ASTN1: variants seen among roughly 807,000 people sequenced by gnomAD.
ASTN1 encodes astrotactin-1.
In ASTN1, 41 loss-of-function variants were observed where a neutral mutation model predicts 140.7. The observed-to-expected ratio is 0.29, with a 90% CI of 0.23 to 0.38. The LOEUF is 0.38. Among genes scored for constraint, ASTN1 ranks in the 10% least tolerant of loss-of-function variants. The pLI, the probability that ASTN1 is intolerant of heterozygous loss-of-function variation, is 1.00. For synonymous variants in ASTN1, 640 were observed against 652.2 expected, an observed-to-expected ratio of 0.98 and a Z score of 0.29; for missense variants, 1,479 against 1,678.8, an observed-to-expected ratio of 0.88 and a Z score of 2.08.
chr1:177,133,638 G>A (rs1161517568), intron 1 of ASTN1, among the ~76,000 whole-genome samples: 1 of 152,144 alleles, frequency 6.6e-6, no homozygotes, highest in Admixed American at 6.5e-5. Flanking sequence ...CTATAGTCCT[G>A]CTAATGTAAA....
At chr1:177,115,360 T>G (rs1681031854) in intron 1 of ASTN1, among the ~76,000 whole-genome samples, 1 of 152,132 alleles carries the variant, frequency 6.6e-6, no homozygotes, top group African/African-American at 2.4e-5. Context: ...ATATTTAAGT[T>G]GTGGTTTTAA....
At chr1:176,872,129 T>A (rs1286738970) in intron 21 of ASTN1, among the ~76,000 whole-genome samples, 1 of 151,928 alleles carries the variant, frequency 6.6e-6, no homozygotes, top group Non-Finnish European at 1.5e-5. Flanking sequence ...GTCTGTTCAA[T>A]GATGGTTAAT....
chr1:177,116,847 C>T (rs1338369462), intron 1 of ASTN1, among the ~76,000 whole-genome samples: 1 of 152,136 alleles, frequency 6.6e-6, no homozygotes, highest in Admixed American at 6.5e-5. Flanking sequence ...GTATTTCCCA[C>T]CCATTAAATG....
At chr1:177,122,982 C>G (rs1296342283) in intron 1 of ASTN1, among the ~76,000 whole-genome samples, 1 of 152,162 alleles carries the variant, frequency 6.6e-6, no homozygotes, top group Non-Finnish European at 1.5e-5. Flanking sequence ...GAGGCATCAG[C>G]CCCTAGCTCC....
intron 3 of ASTN1, 73 bp downstream of exon 3, chr1:177,032,383 A>T: frequency 6.4e-7 from 1 of 1,550,400 alleles, no homozygotes; most frequent in Non-Finnish European, 8.7e-7. Flanking sequence ...GTTGTCACAC[A>T]GCTGTTCCTA....
chr1:176,913,056 C>T (rs1271685809), intron 16 of ASTN1, among the ~76,000 whole-genome samples: 1 of 152,190 alleles, frequency 6.6e-6, no homozygotes, highest in South Asian at 2.1e-4. Flanking sequence ...CTTGCTCTCC[C>T]CTGCTGGAAG....
intron 8 of ASTN1, among the ~76,000 whole-genome samples, chr1:176,978,438 CAG>C (rs1673462805): frequency 6.6e-6 from 1 of 152,122 alleles, no homozygotes; most frequent in African/African-American, 2.4e-5. Flanking sequence ...GATCTGAATT[CAG>C]TGGGAAGACG....
intron 1 of ASTN1, among the ~76,000 whole-genome samples, chr1:177,138,658 G>T (rs1370439843): frequency 1.3e-5 from 2 of 152,188 alleles, no homozygotes; most frequent in African/African-American, 4.8e-5. Context: ...ACAAGATTTA[G>T]AAGAGGTTTT....
intron 1 of ASTN1, among the ~76,000 whole-genome samples, chr1:177,112,459 G>C (rs1291895844): frequency 2.0e-5 from 3 of 152,218 alleles, no homozygotes; most frequent in African/African-American, 7.2e-5. Flanking sequence ...TTCCACCCGT[G>C]TTGGGCGGGG....
chr1:177,164,617 C>T lies in ASTN1; in HGVS notation c.60G>A (p.Leu20=). The change falls in exon 1 of 23, where the codon CTG becomes CTA. Residue 20 remains leucine, a synonymous_variant. Coordinates refer to ENST00000361833, the MANE Select transcript of ASTN1 (RefSeq NM_004319.3). ...GATCCACGTCGCCGGCGGCCGTGGC[C>T]AGCACCGCCGCCGGCCCCCAGCAGC... ...LACCWGPAAV[L]ATAAGDVDPS... is the part of the protein sequence containing the mutation. The T allele has an allele frequency of 1.2e-6, 2 of 1,609,646 alleles. No individual in the cohort carries two copies. The highest frequency in any genetic ancestry group is 1.7e-6 in the Non-Finnish European group (2 of 1,178,140).
At chr1:177,090,333 A>T (rs543393679) in intron 1 of ASTN1, among the ~76,000 whole-genome samples, 10 of 152,044 alleles carry the variant, frequency 6.6e-5, no homozygotes, top group African/African-American at 1.2e-4. Context: ...GCAACATGCT[A>T]GACATAGCTA....
chr1:177,123,653 G>T (rs1475777599), intron 1 of ASTN1, among the ~76,000 whole-genome samples: 2 of 152,140 alleles, frequency 1.3e-5, no homozygotes, highest in Non-Finnish European at 2.9e-5. Context: ...CTACTGGGTG[G>T]CCCCTGGGCT....
At chr1:177,054,415 G>C (rs1263955463) in intron 2 of ASTN1, among the ~76,000 whole-genome samples, 2 of 152,094 alleles carry the variant, frequency 1.3e-5, no homozygotes, top group African/African-American at 4.8e-5. Context: ...TATAAGTTAG[G>C]TCTTAGTCTG....
At chr1:176,924,537 C>A (rs1001072357) in intron 16 of ASTN1, among the ~76,000 whole-genome samples, 4 of 152,152 alleles carry the variant, frequency 2.6e-5, no homozygotes, top group African/African-American at 9.7e-5. Context: ...TTGACATTTT[C>A]TCTCTCTTCT....
At chr1:177,163,964 T>G (rs1477714529) in intron 1 of ASTN1, among the ~76,000 whole-genome samples, 2 of 152,010 alleles carry the variant, frequency 1.3e-5, no homozygotes, top group Non-Finnish European at 2.9e-5. Context: ...CCCCAGGAAG[T>G]GCTGTAGGTG....
intron 8 of ASTN1, among the ~76,000 whole-genome samples, chr1:177,005,249 C>T (rs781546556): frequency 5.9e-5 from 9 of 152,006 alleles, no homozygotes; most frequent in African/African-American, 1.4e-4. Flanking sequence ...TATTAATCAT[C>T]GGGGAAATGT....
At position 177,164,658 on chromosome 1, in the gene ASTN1, A is replaced by T; in HGVS notation, c.19T>A (p.Cys7Ser). 1 of 1,590,310 alleles carries T rather than the reference A, an allele frequency of 6.3e-7. No individual in the cohort carries two copies. The highest frequency in any genetic ancestry group is 8.6e-7 in the Non-Finnish European group (1 of 1,168,488). ...CCCCAGCAGCAGGCGAGCAGGGCGCAGAGCCCGGCTAAAGCCATCTTGAGC... is the reference window on the plus strand; with the variant it reads ...CCCCAGCAGCAGGCGAGCAGGGCGCTGAGCCCGGCTAAAGCCATCTTGAGC... Reference protein sequence around the residue: MALAGLCALLACCWGPA... With the variant: MALAGLSALLACCWGPA... Residue 7 changes from cysteine to serine, a missense_variant, in exon 1 of 23, where the codon TGC becomes AGC. Cys to Ser is a moderately radical substitution (Grantham distance 112, BLOSUM62 -1). Transcript: ENST00000361833.
At chr1:176,947,426 GT>G (rs1659140598) in intron 12 of ASTN1, among the ~76,000 whole-genome samples, 1 of 152,066 alleles carries the variant, frequency 6.6e-6, no homozygotes, top group African/African-American at 2.4e-5. Context: ...ATAAATGTAT[GT>G]GATTTGGTCT....
chr1:177,097,336 T>A (rs958496910), intron 1 of ASTN1, among the ~76,000 whole-genome samples: 1 of 152,120 alleles, frequency 6.6e-6, no homozygotes, highest in African/African-American at 2.4e-5. Context: ...TCAATATAGG[T>A]TCAACCTAAT....
Sources: allele counts gnomAD v4.1 joint callset (sites outside exome capture counted in the v4.1 genomes callset), GRCh38; gene constraint gnomAD v4.1.1; transcripts MANE v1.5; gene names NCBI Gene and HGNC (gene_info 2026-07-23, HGNC 2026-07-21).